The following YY1 variants were observed in gnomAD, a reference collection of about 807,000 sequenced individuals.
The protein encoded by YY1 is YY1 transcription factor.
Under a neutral mutation model 35.6 loss-of-function variants are expected in YY1, and 2 were observed. That is an observed-to-expected ratio of 0.06 (90% confidence interval 0.02 to 0.18). The LOEUF (loss-of-function observed/expected upper bound fraction) is 0.18, where lower values mean the gene tolerates loss of function less well. Among genes scored for constraint, YY1 ranks in the 10% least tolerant of loss-of-function variants. The pLI is 1.00. For synonymous variants in YY1, 268 were observed against 238.9 expected (o/e 1.12, Z -1.12); for missense variants, 322 against 573.4 (o/e 0.56, Z 4.48).
chr14:100,274,460 G>A (rs1891291616), intron 2 of YY1, among the ~76,000 whole-genome samples: 1 of 152,214 alleles, frequency 6.6e-6, no homozygotes, highest in African/African-American at 2.4e-5. Context: ...CTATGAGACT[G>A]TAGGCGGCAA....
chr14:100,259,186 C>T (rs1891045552), intron 1 of YY1, among the ~76,000 whole-genome samples: 1 of 152,178 alleles, frequency 6.6e-6, no homozygotes. Context: ...ATTTAGGCAT[C>T]AAAGGTAGAA....
chr14:100,257,644 A>G (rs1382250929), intron 1 of YY1, among the ~76,000 whole-genome samples: 3 of 152,188 alleles, frequency 2.0e-5, no homozygotes, highest in African/African-American at 4.8e-5. Flanking sequence ...GAAGATGGCT[A>G]TCTGCAAACC....
chr14:100,262,546 C>T (rs1227079478), intron 2 of YY1, 80 bp downstream of exon 2: 27 of 1,429,022 alleles, frequency 1.9e-5, no homozygotes, highest in Non-Finnish European at 2.4e-5. Context: ...GTGCCTAAGT[C>T]AAAATGGTGG....
At chr14:100,240,489 C>T (rs1185616775) in intron 1 of YY1, among the ~76,000 whole-genome samples, 1 of 151,252 alleles carries the variant, frequency 6.6e-6, no homozygotes, top group Non-Finnish European at 1.5e-5. Flanking sequence ...CCAACTGCTC[C>T]CCGGTGGCAC....
intron 2 of YY1, among the ~76,000 whole-genome samples, chr14:100,264,700 T>G (rs938858053): frequency 6.6e-6 from 1 of 152,178 alleles, no homozygotes; most frequent in African/African-American, 2.4e-5. Flanking sequence ...TGCAGCTGTC[T>G]GTGCAGGCTA....
chr14:100,278,903 G>T lies in YY1; in HGVS notation c.*1303G>T, dbSNP rs1891368987. ...CAGAGGCAGCTCCAGCAGGACCTTGGCTTGTCTGACAGGAAATGCTTGTGG... is the reference window on the plus strand; with the variant it reads ...CAGAGGCAGCTCCAGCAGGACCTTGTCTTGTCTGACAGGAAATGCTTGTGG... On this transcript the variant is annotated 3_prime_UTR_variant, in exon 5 of 5. Coordinates refer to ENST00000262238, the MANE Select transcript of YY1 (RefSeq NM_003403.5). 6.6e-6 allele frequency: 1 copy of T among 152,262 alleles called. No individual in the cohort carries two copies. The allele number at this position is 152,262 out of a possible 1,614,324, so 9.4% of individuals were successfully genotyped here. A position where few individuals can be genotyped will look rare whatever the true frequency, so the allele number is the denominator to read the frequency against.
intron 1 of YY1, among the ~76,000 whole-genome samples, chr14:100,247,086 G>A (rs1179525096): frequency 6.6e-6 from 1 of 152,178 alleles, no homozygotes; most frequent in Non-Finnish European, 1.5e-5. Context: ...TCTACAGTTA[G>A]TATTTTATAG....
intron 1 of YY1, among the ~76,000 whole-genome samples, chr14:100,242,229 G>A (rs1207560391): frequency 1.3e-5 from 2 of 152,132 alleles, no homozygotes; most frequent in Non-Finnish European, 2.9e-5. Context: ...ATCCAGAGAA[G>A]CTGGTAGTGT....
chr14:100,269,757 C>T (rs1269327679), intron 2 of YY1, among the ~76,000 whole-genome samples: 1 of 152,090 alleles, frequency 6.6e-6, no homozygotes, highest in African/African-American at 2.4e-5. Context: ...CCACTTACTC[C>T]TTAAGTCCAA....
At chr14:100,242,385 T>TTTTTTG (rs1566767688) in intron 1 of YY1, among the ~76,000 whole-genome samples, 2 of 61,762 alleles carry the variant, frequency 3.2e-5, no homozygotes, top group Non-Finnish European at 6.2e-5. Context: ...TTTGTTTTTT[T>TTTTTTG]TTTTTTTTTT....
intron 2 of YY1, among the ~76,000 whole-genome samples, chr14:100,267,150 T>C (rs1214935013): frequency 6.6e-6 from 1 of 151,954 alleles, no homozygotes; most frequent in Admixed American, 6.6e-5. Flanking sequence ...AATCGGAAAC[T>C]CCATGAAAAG....
At chr14:100,249,809 T>C (rs1890898429) in intron 1 of YY1, among the ~76,000 whole-genome samples, 1 of 151,612 alleles carries the variant, frequency 6.6e-6, no homozygotes, top group South Asian at 2.1e-4. Context: ...AGTCTTGCTC[T>C]GTCGCCCAGA....
chr14:100,268,651 A>G (rs1255620186), intron 2 of YY1, among the ~76,000 whole-genome samples: 2 of 152,236 alleles, frequency 1.3e-5, no homozygotes, highest in Non-Finnish European at 2.9e-5. Context: ...CAGTATCATC[A>G]CATGAATATT....
chr14:100,273,769 T>G (rs1285925276), intron 2 of YY1, among the ~76,000 whole-genome samples: 1 of 152,142 alleles, frequency 6.6e-6, no homozygotes, highest in African/African-American at 2.4e-5. Flanking sequence ...TATTCTCTAG[T>G]TTTTTTAGGA....
intron 2 of YY1, among the ~76,000 whole-genome samples, chr14:100,269,393 C>T (rs1891201495): frequency 6.6e-6 from 1 of 152,288 alleles, no homozygotes; most frequent in South Asian, 2.1e-4. Flanking sequence ...CCAAGTCACA[C>T]ATCCCATACT....
In YY1 at chr14:100,245,421, A is replaced by G. The variant is rs147438303; in HGVS notation, c.679+5498A>G. Among the ~76,000 whole-genome samples, 1,451 of 152,246 alleles carry G rather than the reference A, an allele frequency of 9.5e-3. 17 individuals are homozygous for G. Among genetic ancestry groups the G allele is most frequent in the African/African-American group, 0.034 (1,395 of 41,534 alleles). ...CTCAAATTCCTGAGTAACTGGGACTACAGACACCCAGCTTCAACTATGTTT... is the reference window on the plus strand; with the variant it reads ...CTCAAATTCCTGAGTAACTGGGACTGCAGACACCCAGCTTCAACTATGTTT... On this transcript the variant is annotated intron_variant, in intron 1 of 4. Transcript: ENST00000262238.
intron 1 of YY1, among the ~76,000 whole-genome samples, chr14:100,242,387 T>TG: frequency 7.9e-6 from 1 of 125,922 alleles, no homozygotes; most frequent in Non-Finnish European, 1.6e-5. Flanking sequence ...TGTTTTTTTT[T>TG]TTTTTTTTTT....
At chr14:100,250,802 C>A (rs191387413) in intron 1 of YY1, among the ~76,000 whole-genome samples, 10 of 150,162 alleles carry the variant, frequency 6.7e-5, no homozygotes, top group African/African-American at 2.5e-4. Context: ...TTGAGACCAA[C>A]CTGGGCAACA....
rs552013894 is a variant in YY1 at position 100,239,269 on chromosome 14, A to G, written c.25A>G (p.Ile9Val). ...CATGGCCTCGGGCGACACCCTCTACATCGCCACGGACGGCTCGGAGATGCC... is the reference window on the plus strand; with the variant it reads ...CATGGCCTCGGGCGACACCCTCTACGTCGCCACGGACGGCTCGGAGATGCC... MASGDTLYIATDGSEMPAE... is the reference protein window; with the variant it reads MASGDTLYVATDGSEMPAE... Residue 9 changes from isoleucine (I) to valine (V), a missense_variant, in exon 1 of 5, where the codon ATC becomes GTC. Ile to Val is a conservative substitution (Grantham distance 29, BLOSUM62 3). Transcript: ENST00000262238. 2 of 1,580,054 alleles carry G rather than the reference A, an allele frequency of 1.3e-6. No homozygotes were observed. Among genetic ancestry groups the G allele is most frequent in the Admixed American group, 1.8e-5 (1 of 56,076 alleles).
Sources: gnomAD v4.1 joint callset for allele counts (sites outside exome capture counted in the v4.1 genomes callset) on GRCh38, gnomAD v4.1.1 for gene constraint, MANE v1.5 for transcripts, NCBI Gene and HGNC (gene_info 2026-07-23, HGNC 2026-07-21) for gene names.